The following TRAP1 variants were observed in gnomAD, a reference collection of about 807,000 sequenced individuals.
TRAP1 encodes TNF receptor associated protein 1.
In TRAP1, 102 loss-of-function variants were observed where a neutral mutation model predicts 89.1. That is an observed-to-expected ratio of 1.15 (90% CI 0.98 to 1.35). The LOEUF is 1.35. Ranked by LOEUF, TRAP1 falls within the 40% of genes most tolerant of loss-of-function variation. TRAP1 has a pLI of 0.00. For synonymous variants in TRAP1, 508 were observed against 388.0 expected, an observed-to-expected ratio of 1.31 and a Z score of -3.64; for missense variants, 1,256 against 945.3, an observed-to-expected ratio of 1.33 and a Z score of -4.31.
rs1567216146 is a variant in TRAP1, at chr16:3,658,802, C to T, written c.2004G>A (p.Leu668=). Residue 668 remains leucine (L), a synonymous_variant, in exon 17 of 18, where the codon CTG becomes CTA. Coordinates refer to ENST00000246957, the MANE Select transcript of TRAP1 (RefSeq NM_016292.3). ...AAGCTGCTGCACTCACCTGATCCACCAGCAGCTGAGCCAGGCCAGGCTCGC... is the reference window on the plus strand; with the variant it reads ...AAGCTGCTGCACTCACCTGATCCACTAGCAGCTGAGCCAGGCCAGGCTCGC... ...RASEPGLAQL[L]VDQIYENAMI... 1.2e-6 allele frequency: 2 copies of T among 1,613,776 alleles called. No homozygotes were observed. Among genetic ancestry groups the T allele is most frequent in the Admixed American group, 1.7e-5 (1 of 60,010 alleles).
intron 1 of TRAP1, among the ~76,000 whole-genome samples, chr16:3,691,781 TA>T (rs1219577689): frequency 2.6e-5 from 4 of 152,124 alleles, no homozygotes; most frequent in Non-Finnish European, 4.4e-5. Context: ...ACAGATTTTT[TA>T]AAAAAAATTT....
chr16:3,662,048 G>C lies in TRAP1; in HGVS notation c.1879C>G (p.Leu627Val), dbSNP rs1232531384. Residue 627 changes from leucine to valine, a missense_variant, in exon 16 of 18, where the codon CTG becomes GTG. Coordinates refer to ENST00000246957, the MANE Select transcript of TRAP1 (RefSeq NM_016292.3). ...AARHFLRMQQ[L>V]AKTQEERAQL... The stretch of plus-strand genomic sequence containing the variant: ...GCGCGCTCCTCCTGGGTCTTGGCCA[G>C]CTGCTGCATGCGCAGGAAGTGGCGG... 6 of 1,613,286 alleles carry C rather than the reference G, an allele frequency of 3.7e-6. No individual in the cohort carries two copies. Among genetic ancestry groups the C allele is most frequent in the Non-Finnish European group, 5.1e-6 (6 of 1,179,966 alleles).
At chr16:3,703,082 G>A (rs372445831) in intron 1 of TRAP1, among the ~76,000 whole-genome samples, 5 of 139,366 alleles carry the variant, frequency 3.6e-5, no homozygotes, top group African/African-American at 1.4e-4. Context: ...CAGTAAGATG[G>A]TAGAATACAA....
At chr16:3,676,723 G>A (rs2051001174) in intron 6 of TRAP1, 1 of 152,462 alleles carries the variant, frequency 6.6e-6, no homozygotes, top group Admixed American at 6.5e-5. Flanking sequence ...CATCACGGAG[G>A]GAGGACGCCT....
chr16:3,716,909 G>C (rs145611509), intron 1 of TRAP1, among the ~76,000 whole-genome samples: 1 of 152,328 alleles, frequency 6.6e-6, no homozygotes, highest in East Asian at 1.9e-4. Flanking sequence ...GAACCTGCAC[G>C]GCGCCGGGCA....
At chr16:3,658,574 G>C in intron 17 of TRAP1, 1 of 584,154 alleles carries the variant, frequency 1.7e-6, no homozygotes, top group South Asian at 2.1e-5. Flanking sequence ...TCGGGAGGCT[G>C]AGGCAGGGGA....
intron 1 of TRAP1, among the ~76,000 whole-genome samples, chr16:3,692,468 G>A (rs1303825117): frequency 2.0e-5 from 3 of 151,314 alleles, no homozygotes; most frequent in African/African-American, 7.3e-5. Flanking sequence ...CTTGGGAAGT[G>A]GAGGTTGCAG....
At chr16:3,696,118 A>G (rs948335192) in intron 1 of TRAP1, among the ~76,000 whole-genome samples, 4 of 152,198 alleles carry the variant, frequency 2.6e-5, no homozygotes, top group Admixed American at 6.5e-5. Flanking sequence ...TCAGCACTCT[A>G]AAGTCCCACG....
chr16:3,709,981 C>T (rs185321124), intron 1 of TRAP1, among the ~76,000 whole-genome samples: 205 of 152,274 alleles, frequency 1.3e-3, no homozygotes, highest in African/African-American at 4.8e-3. Context: ...ACATTCTGAA[C>T]AGAAAGACCT....
chr16:3,682,225 A>G (rs2051081567), intron 4 of TRAP1, among the ~76,000 whole-genome samples: 1 of 152,108 alleles, frequency 6.6e-6, no homozygotes, highest in Admixed American at 6.6e-5. Context: ...TCATAGATCT[A>G]AATATAAGAG....
At position 3,667,201 on chromosome 16, in the gene TRAP1, G is replaced by A. The variant is rs75377947; in HGVS notation, c.1236-1083C>T. Among the ~76,000 whole-genome samples, 531 of 152,294 alleles carry A rather than the reference G, an allele frequency of 3.5e-3. 4 individuals are homozygous for A. The highest frequency in any genetic ancestry group is 0.012 in the African/African-American group (502 of 41,566). ...CAAGAACCCCAGAGAAGGGTGTCCA[G>A]GCTGGGGGCGTGACCAGCCCACCGT... is the stretch of plus-strand genomic sequence containing the variant. On this transcript the variant is annotated intron_variant, in intron 11 of 17. Transcript: ENST00000246957.
In TRAP1 at chr16:3,679,768, T is replaced by G. The variant is rs760945395; in HGVS notation, c.494A>C (p.Gln165Pro). The G allele has an allele frequency of 6.2e-7, 1 of 1,614,110 alleles. No individual in the cohort carries two copies. Among genetic ancestry groups the G allele is most frequent in the Admixed American group, 1.7e-5 (1 of 60,032 alleles). Reference protein sequence around the residue: ...TIQDTGIGMTQEELVSNLGTI... With the variant: ...TIQDTGIGMTPEELVSNLGTI... ...CCCCAGGTTGGACACCAGCTCTTCC[T>G]GTGTCATCCCGATACCAGTATCCTG... The change falls in exon 5 of 18, where the codon CAG becomes CCG. Residue 165 changes from glutamine to proline, a missense_variant. By Grantham distance (76) the Gln-to-Pro change is moderately conservative. Coordinates refer to ENST00000246957, the MANE Select transcript of TRAP1 (RefSeq NM_016292.3).
At chr16:3,662,641 T>C in intron 15 of TRAP1, 1 of 673,914 alleles carries the variant, frequency 1.5e-6, no homozygotes, top group Non-Finnish European at 2.7e-6. Flanking sequence ...ATGCTGGTTT[T>C]TCAGTTCTCA....
At chr16:3,707,216 C>T (rs1225245900) in intron 1 of TRAP1, among the ~76,000 whole-genome samples, 3 of 140,168 alleles carry the variant, frequency 2.1e-5, no homozygotes, top group South Asian at 2.3e-4. Flanking sequence ...GGCGGAGTCT[C>T]GCTCTGTCGC....
At chr16:3,696,898 T>G (rs1452471411) in intron 1 of TRAP1, among the ~76,000 whole-genome samples, 2 of 152,044 alleles carry the variant, frequency 1.3e-5, no homozygotes, top group Non-Finnish European at 2.9e-5. Context: ...GGCTAATTTT[T>G]GTGTTTTCTG....
chr16:3,692,203 G>A (rs957695399), intron 1 of TRAP1, among the ~76,000 whole-genome samples: 1 of 152,164 alleles, frequency 6.6e-6, no homozygotes, highest in African/African-American at 2.4e-5. Flanking sequence ...AAGTAGAAAG[G>A]AAAGACAACA....
chr16:3,662,796 A>G lies in TRAP1; in HGVS notation c.1794+86T>C, dbSNP rs778650485. 6.9e-6 allele frequency: 9 copies of G among 1,307,160 alleles called. 1 individual carries two copies. In the South Asian group the frequency reaches 1.1e-4, roughly 16 times the overall value. 81.0% of individuals were successfully genotyped at this position (1,307,160 alleles called of 1,614,324 possible). On this transcript the variant is annotated intron_variant, in intron 15 of 17. Transcript: ENST00000246957. ...TCTGCTGCTGCTGGAAGGACACCCA[A>G]CGGGCCAGGTACTGGGAGCCACCAG...
rs745842092 is a variant in TRAP1 at position 3,690,930 on chromosome 16, G to A, written c.144C>T (p.Asn48=). The A allele has an allele frequency of 6.3e-7, 1 of 1,588,976 alleles. No homozygotes were observed. Among genetic ancestry groups the A allele is most frequent in the East Asian group, 2.4e-5 (1 of 42,368 alleles). The stretch of plus-strand genomic sequence containing the variant: ...GTCCTGCCTGCAAGCTCCAGGCTGG[G>A]TTTCGCCTGGGGCCCAACTGGGCTG... The part of the protein sequence containing the change: ...RTTAQLGPRR[N]PAWSLQAGRL... Residue 48 remains asparagine (N), a synonymous_variant, in exon 2 of 18, where the codon AAC becomes AAT. Transcript: ENST00000246957.
chr16:3,669,832 C>CAAAAAAAAAAAA (rs59256364), intron 11 of TRAP1, among the ~76,000 whole-genome samples: 2 of 66,156 alleles, frequency 3.0e-5, no homozygotes, highest in Non-Finnish European at 6.9e-5. Flanking sequence ...GACTCCGTCT[C>CAAAAAAAAAAAA]AAAAAAAAAA....
Sources: gnomAD v4.1 joint callset for allele counts (sites outside exome capture counted in the v4.1 genomes callset) on GRCh38, gnomAD v4.1.1 for gene constraint, MANE v1.5 for transcripts, NCBI Gene and HGNC (gene_info 2026-07-23, HGNC 2026-07-21) for gene names.